The following AKAP6 variants were observed in gnomAD, a reference collection of about 807,000 sequenced individuals.
AKAP6 encodes the protein A-kinase anchoring protein 6.
A neutral mutation model predicts 188.5 loss-of-function variants in AKAP6; 58 were observed. The ratio of observed to expected loss-of-function variants is 0.31; its 90% CI spans 0.25 to 0.38. The LOEUF (loss-of-function observed/expected upper bound fraction) is 0.38, where lower values mean the gene tolerates loss of function less well. AKAP6 is among the 10% of genes least tolerant of loss of function. The pLI, the probability that AKAP6 is intolerant of heterozygous loss-of-function variation, is 1.00. For missense variants in AKAP6, 2,710 were observed against 2,740.0 expected, an observed-to-expected ratio of 0.99 and a Z score of 0.24; for synonymous variants, 989 against 998.6, an observed-to-expected ratio of 0.99 and a Z score of 0.18.
intron 2 of AKAP6, among the ~76,000 whole-genome samples, chr14:32,513,679 A>G (rs2139032566): frequency 6.6e-6 from 1 of 151,886 alleles, no homozygotes; most frequent in Non-Finnish European, 1.5e-5. Context: ...TTTTTTTCTT[A>G]TTTCTCACAA....
chr14:32,482,568 T>C (rs756665110), intron 2 of AKAP6, among the ~76,000 whole-genome samples: 18 of 152,352 alleles, frequency 1.2e-4, no homozygotes, highest in Non-Finnish European at 2.1e-4. Flanking sequence ...GTTGGATACA[T>C]ACTATATTTT....
chr14:32,781,547 A>G (rs990185179), intron 12 of AKAP6, among the ~76,000 whole-genome samples: 5 of 152,270 alleles, frequency 3.3e-5, no homozygotes, highest in Non-Finnish European at 7.3e-5. Context: ...AAAAGGAAAG[A>G]ATATTTTTCA....
At chr14:32,349,992 A>G (rs2138441997) in intron 1 of AKAP6, among the ~76,000 whole-genome samples, 1 of 152,352 alleles carries the variant, frequency 6.6e-6, no homozygotes, top group South Asian at 2.1e-4. Context: ...ATAAATATAC[A>G]TGAGTGTATA....
chr14:32,433,308 C>A, intron 1 of AKAP6, 152 bp from the exon 2 acceptor site: 1 of 599,832 alleles, frequency 1.7e-6, no homozygotes, highest in Non-Finnish European at 2.9e-6. Flanking sequence ...TGTAGAAAAT[C>A]AAAACACCTC....
intron 8 of AKAP6, among the ~76,000 whole-genome samples, chr14:32,688,003 A>C (rs990535729): frequency 1.3e-5 from 2 of 152,088 alleles, no homozygotes; most frequent in African/African-American, 4.8e-5. Flanking sequence ...ATTTGATGAC[A>C]TCCATGCCAA....
intron 13 of AKAP6, among the ~76,000 whole-genome samples, chr14:32,825,361 C>T (rs1025036639): frequency 6.6e-6 from 1 of 152,108 alleles, no homozygotes; most frequent in Non-Finnish European, 1.5e-5. Flanking sequence ...TAATCACGGC[C>T]ATGTCTAAGG....
chr14:32,696,849 G>T (rs1407532021), intron 9 of AKAP6, among the ~76,000 whole-genome samples: 2 of 149,778 alleles, frequency 1.3e-5, no homozygotes, highest in African/African-American at 4.9e-5. Context: ...CTGTCAGGGG[G>T]AGGGAAGAGG....
At chr14:32,496,233 A>G (rs1162884988) in intron 2 of AKAP6, among the ~76,000 whole-genome samples, 1 of 152,158 alleles carries the variant, frequency 6.6e-6, no homozygotes, top group Admixed American at 6.6e-5. Context: ...TAAGGAATCT[A>G]TGTATAAAAT....
At chr14:32,736,617 C>T (rs531695603) in intron 11 of AKAP6, among the ~76,000 whole-genome samples, 2 of 152,138 alleles carry the variant, frequency 1.3e-5, no homozygotes, top group South Asian at 2.1e-4. Flanking sequence ...TTTGGGGTTG[C>T]AGAATTTGAA....
chr14:32,361,053 C>CATATATATATATAT lies in AKAP6; in HGVS notation c.-35+31648_-35+31649insTATATATATATATA, dbSNP rs201231103. Among the ~76,000 whole-genome samples the CATATATATATATAT allele has an allele frequency of 9.4e-3, 1,056 of 111,882 alleles. 52 individuals are homozygous for CATATATATATATAT. Among genetic ancestry groups the CATATATATATATAT allele is most frequent in the African/African-American group, 0.039 (975 of 25,208 alleles). 73.4% of individuals were successfully genotyped at this position (111,882 alleles called of 152,430 possible). On this transcript the variant is annotated intron_variant, in intron 1 of 13. Coordinates refer to ENST00000280979, the MANE Select transcript of AKAP6 (RefSeq NM_004274.5). ...TGTGAGCCACTGCACAAGGCCTGAA[C>CATATATATATATAT]ATACATATATATATATATTTGAGAA...
chr14:32,743,269 G>A (rs1178192598), intron 11 of AKAP6, among the ~76,000 whole-genome samples: 1 of 152,096 alleles, frequency 6.6e-6, no homozygotes, highest in Non-Finnish European at 1.5e-5. Flanking sequence ...TATAGTCAAA[G>A]TGTATTTCTT....
At position 32,545,849 on chromosome 14, in the gene AKAP6, A is replaced by G. The variant is rs1265986594; in HGVS notation, c.1196A>G (p.Glu399Gly). The change falls in exon 4 of 14, where the codon GAA (glutamate) becomes GGA (glycine). Residue 399 changes from glutamate to glycine, a missense_variant. Transcript: ENST00000280979. ...AAAAGAGGACTTTTTCTTAAAGAGG[A>G]AACTTTTAAGAATGATCTGAAAGGC... ...LPKRGLFLKEETFKNDLKGNG... is the reference protein window; with the variant it reads ...LPKRGLFLKEGTFKNDLKGNG... 6.2e-7 allele frequency: 1 copy of G among 1,614,240 alleles called. No homozygotes were observed. The highest frequency in any genetic ancestry group is 1.7e-5 in the Admixed American group (1 of 60,034).
intron 5 of AKAP6, among the ~76,000 whole-genome samples, 183 bp downstream of exon 5, chr14:32,577,425 T>A (rs1021987597): frequency 6.6e-6 from 1 of 152,206 alleles, no homozygotes; most frequent in African/African-American, 2.4e-5. Context: ...GAAACCTAAA[T>A]CATCTCTGTT....
At chr14:32,829,069 T>TA (rs1361615050) in intron 13 of AKAP6, among the ~76,000 whole-genome samples, 1 of 152,220 alleles carries the variant, frequency 6.6e-6, no homozygotes, top group East Asian at 1.9e-4. Flanking sequence ...CAGGGGGACT[T>TA]ACAATAGTTG....
At chr14:32,722,476 C>A (rs749632176) in intron 9 of AKAP6, among the ~76,000 whole-genome samples, 4 of 152,154 alleles carry the variant, frequency 2.6e-5, no homozygotes, top group Non-Finnish European at 5.9e-5. Flanking sequence ...AACCGCAGCC[C>A]TAAATGAGAA....
chr14:32,717,035 G>A (rs1483149358), intron 9 of AKAP6, among the ~76,000 whole-genome samples: 1 of 152,126 alleles, frequency 6.6e-6, no homozygotes, highest in African/African-American at 2.4e-5. Context: ...GGATGACCAT[G>A]GAAATATGAA....
chr14:32,696,347 G>T (rs1176117485), intron 9 of AKAP6, among the ~76,000 whole-genome samples: 2 of 152,114 alleles, frequency 1.3e-5, no homozygotes, highest in Non-Finnish European at 2.9e-5. Flanking sequence ...TCTATAGAAG[G>T]ACAAAGATTT....
At chr14:32,682,291 T>G (rs955047338) in intron 8 of AKAP6, among the ~76,000 whole-genome samples, 1 of 152,198 alleles carries the variant, frequency 6.6e-6, no homozygotes, top group African/African-American at 2.4e-5. Context: ...ATTTACAGTC[T>G]AGCAAGAGAG....
At chr14:32,737,477 G>A (rs1395313976) in intron 11 of AKAP6, among the ~76,000 whole-genome samples, 1 of 152,140 alleles carries the variant, frequency 6.6e-6, no homozygotes. Context: ...TTGGTAATAA[G>A]CATGTACAGA....
Sources: allele counts gnomAD v4.1 joint callset (sites outside exome capture counted in the v4.1 genomes callset), GRCh38; gene constraint gnomAD v4.1.1; transcripts MANE v1.5; gene names NCBI Gene and HGNC (gene_info 2026-07-23, HGNC 2026-07-21).